Variants in CSMD1 observed in about 807,000 individuals in gnomAD.
CSMD1 encodes the protein CUB and Sushi multiple domains 1.
Under a neutral mutation model 417.5 loss-of-function variants are expected in CSMD1, and 213 were observed. The observed-to-expected ratio is 0.51, with a 90% CI of 0.46 to 0.57. CSMD1 has a LOEUF of 0.57. Ranked by LOEUF, CSMD1 falls within the 20% of genes least tolerant of loss-of-function variation. The pLI is 0.00. For synonymous variants in CSMD1, 2,862 were observed against 1,736.8 expected, an observed-to-expected ratio of 1.65 and a Z score of -16.11; for missense variants, 6,923 against 4,529.7, an observed-to-expected ratio of 1.53 and a Z score of -15.17.
chr8:3,991,899 C>T (rs1036380942), intron 5 of CSMD1, among the ~76,000 whole-genome samples: 7 of 152,030 alleles, frequency 4.6e-5, no homozygotes, highest in African/African-American at 1.7e-4. Context: ...AGTAGTATCT[C>T]CAAGTAGCAG....
chr8:3,578,399 A>AC (rs150803338), intron 9 of CSMD1, among the ~76,000 whole-genome samples: 16,233 of 152,120 alleles, frequency 0.11, 1,072 homozygotes, highest in Non-Finnish European at 0.14. Context: ...CGGGAAGGGC[A>AC]CAGCAGCCTG....
chr8:4,375,063 A>G (rs1802645506), intron 3 of CSMD1, among the ~76,000 whole-genome samples: 1 of 151,742 alleles, frequency 6.6e-6, no homozygotes, highest in Non-Finnish European at 1.5e-5. Context: ...TTATAGGTAG[A>G]AAAGGAGTGA....
intron 1 of CSMD1, among the ~76,000 whole-genome samples, chr8:4,690,023 G>T (rs565562370): frequency 1.3e-5 from 2 of 152,220 alleles, no homozygotes; most frequent in South Asian, 4.1e-4. Context: ...TAAAGCAATG[G>T]GTTTAGAGAA....
intron 1 of CSMD1, among the ~76,000 whole-genome samples, chr8:4,968,905 C>T (rs138364166): frequency 6.6e-6 from 1 of 152,194 alleles, no homozygotes; most frequent in Admixed American, 6.6e-5. Flanking sequence ...TTGCCACCAA[C>T]TACTGCAATG....
chr8:4,141,596 T>C lies in CSMD1; in HGVS notation c.416-109497A>G, dbSNP rs148863703. Among the ~76,000 whole-genome samples, 357 of 151,132 alleles carry C rather than the reference T, an allele frequency of 2.4e-3. 26 individuals carry two copies. Among genetic ancestry groups the C allele is most frequent in the Middle Eastern group, 0.01 (3 of 294 alleles). ...CAGAACGAGTAACTGTACTAAGAAA[T>C]GGAGTTGTAACGATTCCTCCACTAT... On this transcript the variant is annotated intron_variant, in intron 3 of 69. Transcript: ENST00000635120.
In CSMD1 at chr8:4,800,368, T is replaced by A. The variant is rs568435013; in HGVS notation, c.86-162810A>T. Among the ~76,000 whole-genome samples the A allele has an allele frequency of 3.1e-4, 46 of 150,448 alleles. No individual in the cohort carries two copies. The South Asian group carries it at 8.8e-3, about 29-fold the overall frequency. On this transcript the variant is annotated intron_variant, in intron 1 of 69. Coordinates refer to ENST00000635120, the MANE Select transcript of CSMD1 (RefSeq NM_033225.6). ...ATTTCTTGAACCTGGGAGGTGGAGG[T>A]TGCAGTGAGCTGAGATCAGAGATCA...
intron 3 of CSMD1, among the ~76,000 whole-genome samples, chr8:4,251,735 C>T (rs1410000486): frequency 1.3e-5 from 2 of 151,906 alleles, no homozygotes; most frequent in East Asian, 1.9e-4. Flanking sequence ...TGAGACGTCA[C>T]AGTTGTGACA....
chr8:4,359,566 T>C (rs1281230970), intron 3 of CSMD1, among the ~76,000 whole-genome samples: 2 of 152,238 alleles, frequency 1.3e-5, no homozygotes, highest in African/African-American at 2.4e-5. Context: ...GAGCCCTGTG[T>C]TCCTTGGAGA....
intron 1 of CSMD1, among the ~76,000 whole-genome samples, chr8:4,911,087 C>T (rs1010833514): frequency 1.3e-5 from 2 of 152,200 alleles, no homozygotes; most frequent in Non-Finnish European, 2.9e-5. Context: ...GTGAGGCCTC[C>T]CCAGCCATGT....
chr8:3,365,454 GTTC>G (rs1260190209), intron 20 of CSMD1, among the ~76,000 whole-genome samples: 3 of 152,190 alleles, frequency 2.0e-5, no homozygotes, highest in Non-Finnish European at 4.4e-5. Context: ...CAATTGTGAA[GTTC>G]TTATTACAGT....
At chr8:4,426,160 G>A (rs1797541131) in intron 2 of CSMD1, among the ~76,000 whole-genome samples, 1 of 151,562 alleles carries the variant, frequency 6.6e-6, no homozygotes, top group Non-Finnish European at 1.5e-5. Flanking sequence ...AGCATATACA[G>A]AGGCTAGGTA....
chr8:3,036,015 T>A (rs771230628), intron 50 of CSMD1, among the ~76,000 whole-genome samples: 10 of 152,200 alleles, frequency 6.6e-5, no homozygotes, highest in Admixed American at 3.3e-4. Context: ...ATTTTTGTTC[T>A]AAAAACCTTA....
intron 3 of CSMD1, among the ~76,000 whole-genome samples, chr8:4,116,907 G>C (rs942094469): frequency 6.6e-6 from 1 of 152,038 alleles, no homozygotes; most frequent in South Asian, 2.1e-4. Context: ...CAGAAAGTGA[G>C]GTACTCGAAA....
chr8:4,193,134 G>C (rs1214880473), intron 3 of CSMD1, among the ~76,000 whole-genome samples: 1 of 152,132 alleles, frequency 6.6e-6, no homozygotes, highest in Non-Finnish European at 1.5e-5. Context: ...TTTCAGGAAA[G>C]ACATCTGTAA....
intron 5 of CSMD1, among the ~76,000 whole-genome samples, chr8:3,794,393 G>C (rs2623687): frequency 0.069 from 10,568 of 152,120 alleles, 530 homozygotes; most frequent in East Asian, 0.25. Flanking sequence ...CATCCATGTA[G>C]TTTTCTATCA....
intron 1 of CSMD1, among the ~76,000 whole-genome samples, chr8:4,773,788 C>G (rs1445689242): frequency 6.6e-6 from 1 of 152,158 alleles, no homozygotes; most frequent in Non-Finnish European, 1.5e-5. Flanking sequence ...TATTATCAAT[C>G]TACATGCCAT....
At chr8:3,157,778 T>C in intron 39 of CSMD1, 119 bp downstream of exon 39, 1 of 782,952 alleles carries the variant, frequency 1.3e-6, no homozygotes, top group South Asian at 1.5e-5. Context: ...GCTATTAGTA[T>C]ATAACACGTG....
At chr8:4,784,880 C>T (rs899054668) in intron 1 of CSMD1, among the ~76,000 whole-genome samples, 6 of 152,106 alleles carry the variant, frequency 3.9e-5, no homozygotes, top group Non-Finnish European at 1.5e-5. Flanking sequence ...AGGTCTATTC[C>T]AGCCCTTGAG....
At chr8:3,264,276 GA>G (rs776220996) in intron 26 of CSMD1, among the ~76,000 whole-genome samples, 1 of 152,156 alleles carries the variant, frequency 6.6e-6, no homozygotes, top group Non-Finnish European at 1.5e-5. Context: ...ACCTGGTTTG[GA>G]ATTTCATTAT....
Sources: gnomAD v4.1 joint callset for allele counts (sites outside exome capture counted in the v4.1 genomes callset) on GRCh38, gnomAD v4.1.1 for gene constraint, MANE v1.5 for transcripts, NCBI Gene and HGNC (gene_info 2026-07-23, HGNC 2026-07-21) for gene names.